The following CDX1 variants were observed in gnomAD, a reference collection of about 807,000 sequenced individuals.
CDX1 encodes caudal type homeobox 1, also known as homeobox protein CDX-1.
A neutral mutation model predicts 16.9 loss-of-function variants in CDX1; 9 were observed. The observed-to-expected ratio is 0.53, with a 90% CI of 0.32 to 0.93. The LOEUF (loss-of-function observed/expected upper bound fraction) is 0.93, where lower values mean the gene tolerates loss of function less well. CDX1 is among the 40% of genes least tolerant of loss of function. The pLI, the probability that CDX1 is intolerant of heterozygous loss-of-function variation, is 0.04. For synonymous variants in CDX1, 179 were observed against 179.0 expected (o/e 1.00, Z 0.00); for missense variants, 393 against 386.1 (o/e 1.02, Z -0.15).
intron 1 of CDX1, among the ~76,000 whole-genome samples, chr5:150,172,257 C>T (rs1011777106): frequency 1.3e-5 from 2 of 152,230 alleles, no homozygotes; most frequent in South Asian, 2.1e-4. Flanking sequence ...AAGGACCAGT[C>T]CTAATCAGTC....
chr5:150,182,812 C>T lies in CDX1; in HGVS notation c.490C>T (p.His164Tyr). Residue 164 changes from histidine (H) to tyrosine (Y), a missense_variant, in exon 2 of 3, where the codon CAC becomes TAC. Coordinates refer to ENST00000231656, the MANE Select transcript of CDX1 (RefSeq NM_001804.3). ...KDKYRVVYTDHQRLELEKEFH... is the reference protein window; with the variant it reads ...KDKYRVVYTDYQRLELEKEFH... Reference sequence around the variant, plus strand: ...CAAGTACCGCGTGGTCTACACCGACCACCAACGCCTGGAGCTGGAGAAGGA... The same window carrying T: ...CAAGTACCGCGTGGTCTACACCGACTACCAACGCCTGGAGCTGGAGAAGGA... The T allele has an allele frequency of 6.2e-7, 1 of 1,613,036 alleles. No individual in the cohort carries two copies. The highest frequency in any genetic ancestry group is 8.5e-7 in the Non-Finnish European group (1 of 1,179,456).
intron 1 of CDX1, among the ~76,000 whole-genome samples, chr5:150,173,207 A>T (rs1473534137): frequency 6.6e-6 from 1 of 152,150 alleles, no homozygotes; most frequent in Non-Finnish European, 1.5e-5. Context: ...TGCCTCTCTC[A>T]TTCATTCATT....
chr5:150,182,958 T>C, intron 2 of CDX1, 45 bp downstream of exon 2: 2 of 1,553,352 alleles, frequency 1.3e-6, no homozygotes, highest in South Asian at 1.2e-5. Context: ...GTGCGAGGAC[T>C]CTGGTCTCCA....
chr5:150,177,153 G>C (rs1761578667), intron 1 of CDX1, among the ~76,000 whole-genome samples: 1 of 152,268 alleles, frequency 6.6e-6, no homozygotes, highest in Non-Finnish European at 1.5e-5. Flanking sequence ...GCAGGCCACT[G>C]TGGCTCCTGT....
rs1752479649 is a variant in CDX1 at position 150,182,778 on chromosome 5, G to A, written c.456G>A (p.Arg152=). The part of the protein sequence containing the change: ...AGGGGGSGKT[R]TKDKYRVVYT... Reference sequence around the variant, plus strand: ...CCTTCTGCTTCTCAGGTAAGACTCGGACCAAGGACAAGTACCGCGTGGTCT... The same window carrying A: ...CCTTCTGCTTCTCAGGTAAGACTCGAACCAAGGACAAGTACCGCGTGGTCT... Residue 152 remains arginine (R), a synonymous_variant, in exon 2 of 3, where the codon CGG becomes CGA. Transcript: ENST00000231656. 6.3e-7 allele frequency: 1 copy of A among 1,585,932 alleles called. No individual in the cohort carries two copies. Among genetic ancestry groups the A allele is most frequent in the African/African-American group, 1.4e-5 (1 of 73,066 alleles).
At position 150,183,825 on chromosome 5, in the gene CDX1, C is replaced by T. The variant is rs1438180498; in HGVS notation, c.*145C>T. 2 of 592,900 alleles carry T rather than the reference C, an allele frequency of 3.4e-6. No homozygotes were observed. The highest frequency in any genetic ancestry group is 5.7e-6 in the Non-Finnish European group (2 of 348,456). 36.7% of individuals were successfully genotyped at this position (592,900 alleles called of 1,614,324 possible). On this transcript the variant is annotated 3_prime_UTR_variant, in exon 3 of 3. Coordinates refer to ENST00000231656, the MANE Select transcript of CDX1 (RefSeq NM_001804.3). ...GTCACCTATCCACCCTCTGCATCCC[C>T]TTGGCCCATCTGTGCAGTAAGCCTG...
intron 1 of CDX1, among the ~76,000 whole-genome samples, chr5:150,171,237 A>G (rs1240885934): frequency 2.0e-5 from 3 of 152,236 alleles, no homozygotes; most frequent in Non-Finnish European, 4.4e-5. Flanking sequence ...GCTATCTTCT[A>G]AAACCATTGC....
rs2113946022 is a variant in CDX1 at position 150,166,925 on chromosome 5, C to A, written c.49C>A (p.Pro17Thr). Residue 17 changes from proline to threonine, a missense_variant, in exon 1 of 3, where the codon CCA (proline) becomes ACA (threonine). Coordinates refer to ENST00000231656, the MANE Select transcript of CDX1 (RefSeq NM_001804.3). ...LDKDSPVYPG[P>T]ARPASLGLGP... ...CAAGGATTCGCCCGTGTACCCCGGC[C>A]CAGCCAGGCCAGCCAGCCTCGGCCT... 1 of 1,505,952 alleles carries A rather than the reference C, an allele frequency of 6.6e-7. No homozygotes were observed. The highest frequency in any genetic ancestry group is 8.8e-7 in the Non-Finnish European group (1 of 1,134,768). 93.3% of individuals were successfully genotyped at this position (1,505,952 alleles called of 1,614,324 possible).
At chr5:150,170,761 C>G (rs184413603) in intron 1 of CDX1, among the ~76,000 whole-genome samples, 1,655 of 152,284 alleles carry the variant, frequency 0.011, 32 homozygotes, top group African/African-American at 0.038. Context: ...GGCTGTTGGG[C>G]TTCAATCAGT....
chr5:150,170,252 C>T lies in CDX1; in HGVS notation c.445+2931C>T, dbSNP rs184267534. Among the ~76,000 whole-genome samples, 126 of 152,338 alleles carry T rather than the reference C, an allele frequency of 8.3e-4. 1 individual carries two copies. The highest frequency in any genetic ancestry group is 1.8e-3 in the Admixed American group (28 of 15,304). On this transcript the variant is annotated intron_variant, in intron 1 of 2. Transcript: ENST00000231656. ...TTTCATCATCACCTCCTCTGTGAAG[C>T]CCTCCATCATTTCCCAAAGTGGACT... is the stretch of plus-strand genomic sequence containing the variant.
chr5:150,182,959 C>G lies in CDX1; in HGVS notation c.591+46C>G, dbSNP rs373791976. 1.4e-5 allele frequency: 21 copies of G among 1,553,024 alleles called. No individual in the cohort carries two copies. The African/African-American group carries it at 2.9e-4, about 21-fold the overall frequency. On this transcript the variant is annotated intron_variant, in intron 2 of 2. Transcript: ENST00000231656. ...CAGCCATAGGAGCAGTGCGAGGACT[C>G]TGGTCTCCAGGCTGCCAGGCAGAGT...
chr5:150,170,292 T>C (rs1478455915), intron 1 of CDX1, among the ~76,000 whole-genome samples: 4 of 152,194 alleles, frequency 2.6e-5, no homozygotes, highest in Admixed American at 6.5e-5. Context: ...ACTACACCCA[T>C]CACGAATCTT....
chr5:150,183,326 G>T (rs767602573), intron 2 of CDX1, 148 bp from the exon 3 acceptor site: 4 of 650,438 alleles, frequency 6.1e-6, no homozygotes, highest in Non-Finnish European at 1.0e-5. Flanking sequence ...ATGAATTCAG[G>T]GTCCATGTGG....
chr5:150,169,634 C>G (rs980245232), intron 1 of CDX1, among the ~76,000 whole-genome samples: 5 of 152,200 alleles, frequency 3.3e-5, no homozygotes, highest in Non-Finnish European at 7.4e-5. Context: ...GTTTCTCCTT[C>G]TGGGCAATGA....
intron 1 of CDX1, among the ~76,000 whole-genome samples, chr5:150,175,626 A>G (rs1446665685): frequency 6.6e-6 from 1 of 152,200 alleles, no homozygotes; most frequent in Non-Finnish European, 1.5e-5. Context: ...ATCAGCCAAG[A>G]CAAGGACCCA....
chr5:150,174,259 A>G (rs934739791), intron 1 of CDX1, among the ~76,000 whole-genome samples: 3 of 152,232 alleles, frequency 2.0e-5, no homozygotes, highest in Non-Finnish European at 4.4e-5. Flanking sequence ...GAAGATGGCC[A>G]GGGGGGCAGT....
At chr5:150,182,558 G>T (rs1412846003) in intron 1 of CDX1, among the ~76,000 whole-genome samples, 1 of 152,228 alleles carries the variant, frequency 6.6e-6, no homozygotes, top group East Asian at 1.9e-4. Flanking sequence ...GATGGGCATG[G>T]GAGGAGTACT....
intron 1 of CDX1, among the ~76,000 whole-genome samples, chr5:150,168,701 G>C (rs1761464677): frequency 6.6e-6 from 1 of 152,216 alleles, no homozygotes; most frequent in Non-Finnish European, 1.5e-5. Context: ...GCTGGGATTT[G>C]AACCCAGGTG....
intron 1 of CDX1, among the ~76,000 whole-genome samples, chr5:150,169,796 C>G (rs1334308382): frequency 6.6e-6 from 1 of 152,188 alleles, no homozygotes; most frequent in African/African-American, 2.4e-5. Context: ...CCCCTTTTGC[C>G]CCACTTCTGA....
Sources: gnomAD v4.1 joint callset for allele counts (sites outside exome capture counted in the v4.1 genomes callset) on GRCh38, gnomAD v4.1.1 for gene constraint, MANE v1.5 for transcripts, NCBI Gene and HGNC (gene_info 2026-07-23, HGNC 2026-07-21) for gene names.